SHROOM4: variants seen among roughly 807,000 people sequenced by gnomAD.
The protein encoded by SHROOM4 is shroom family member 4, also known as protein Shroom4.
In SHROOM4, 17 loss-of-function variants were observed where a neutral mutation model predicts 80.3. The ratio of observed to expected loss-of-function variants is 0.21; its 90% CI spans 0.14 to 0.32. The LOEUF is 0.32. Ranked by LOEUF, SHROOM4 falls within the 10% of genes least tolerant of loss-of-function variation. SHROOM4 has a pLI of 1.00. For missense variants in SHROOM4, 993 were observed against 1,140.3 expected, an observed-to-expected ratio of 0.87 and a Z score of 1.86; for synonymous variants, 400 against 437.5, an observed-to-expected ratio of 0.91 and a Z score of 1.07.
chrX:50,725,583 T>C (rs1934226409), intron 1 of SHROOM4, among the ~76,000 whole-genome samples: 1 of 112,335 alleles, frequency 8.9e-6, no homozygotes, highest in Non-Finnish European at 1.9e-5. Flanking sequence ...CTTGTGATAG[T>C]GAGTGAGTTC....
At chrX:50,743,889 T>C (rs1223962530) in intron 1 of SHROOM4, among the ~76,000 whole-genome samples, 3 of 112,179 alleles carry the variant, frequency 2.7e-5, no homozygotes, top group African/African-American at 6.5e-5. Flanking sequence ...TACAGACATA[T>C]TGGTTGATTT....
rs1427859402 is a variant in SHROOM4 at position 50,587,618 on chromosome X, T to A, written c.*9077A>T. Among the ~76,000 whole-genome samples, 1 of 112,243 alleles carries A rather than the reference T, an allele frequency of 8.9e-6. No homozygotes were observed. The highest frequency in any genetic ancestry group is 3.2e-5 in the African/African-American group (1 of 30,922). ...TGTGTATATTTCTGTATATAAAGTA[T>A]TATGTAATTGTATATTTATACTTAT... On this transcript the variant is annotated 3_prime_UTR_variant, in exon 9 of 9. Coordinates refer to ENST00000376020, the MANE Select transcript of SHROOM4 (RefSeq NM_020717.5).
chrX:50,678,168 A>G (rs1302773287), intron 2 of SHROOM4, among the ~76,000 whole-genome samples: 2 of 111,186 alleles, frequency 1.8e-5, no homozygotes, highest in Admixed American at 9.6e-5. Context: ...AGTTTCCACC[A>G]TTTCCTCTCA....
intron 1 of SHROOM4, among the ~76,000 whole-genome samples, chrX:50,705,786 C>A (rs1333116127): frequency 2.7e-5 from 3 of 110,642 alleles, no homozygotes; most frequent in Non-Finnish European, 5.7e-5. Flanking sequence ...TGCCCCCCTA[C>A]TCCACACCCA....
chrX:50,785,051 A>C (rs1557270933), intron 1 of SHROOM4, among the ~76,000 whole-genome samples: 1 of 112,215 alleles, frequency 8.9e-6, no homozygotes, highest in Non-Finnish European at 1.9e-5. Flanking sequence ...ATACATTAAA[A>C]CTACAAAGAA....
At chrX:50,765,698 AC>A (rs1935260315) in intron 1 of SHROOM4, among the ~76,000 whole-genome samples, 1 of 112,129 alleles carries the variant, frequency 8.9e-6, no homozygotes, top group African/African-American at 3.2e-5. Flanking sequence ...GCACACATCT[AC>A]CTCATTCACA....
downstream of SHROOM4, among the ~76,000 whole-genome samples, chrX:50,583,342 G>T (rs1928697907): frequency 9.0e-6 from 1 of 110,673 alleles, no homozygotes; most frequent in African/African-American, 3.3e-5. Context: ...TTAGTCAATA[G>T]AATGTAAGTA....
chrX:50,581,922 T>C (rs1466486561), downstream of SHROOM4, among the ~76,000 whole-genome samples: 2 of 111,403 alleles, frequency 1.8e-5, no homozygotes, highest in Non-Finnish European at 3.8e-5. Flanking sequence ...AGTGAACCTC[T>C]ACCACATATC....
intron 2 of SHROOM4, among the ~76,000 whole-genome samples, chrX:50,660,551 TCTCCCTCCCTCCCTCC>T (rs1200735728): frequency 2.9e-5 from 1 of 34,713 alleles, no homozygotes; most frequent in African/African-American, 1.1e-4. Flanking sequence ...CCTCCCTCTC[TCTCCCTCCCTCCCTCC>T]CTCCCTCCCT....
chrX:50,801,946 A>C (rs1936131665), intron 1 of SHROOM4, among the ~76,000 whole-genome samples: 1 of 112,164 alleles, frequency 8.9e-6, no homozygotes, highest in South Asian at 3.7e-4. Context: ...GTTAATTTAG[A>C]CCAGGTTGCA....
chrX:50,584,711 T>G (rs1444342973), downstream of SHROOM4, among the ~76,000 whole-genome samples: 15 of 111,608 alleles, frequency 1.3e-4, no homozygotes, highest in Non-Finnish European at 5.6e-5. Flanking sequence ...CTGGGATTAC[T>G]CTAGGACTTC....
At chrX:50,732,876 A>G (rs1557266414) in intron 1 of SHROOM4, among the ~76,000 whole-genome samples, 2 of 112,568 alleles carry the variant, frequency 1.8e-5, no homozygotes, top group African/African-American at 6.5e-5. Context: ...AAACTCTTCA[A>G]GAGAAAAAGC....
chrX:50,692,038 T>A (rs948221020), intron 2 of SHROOM4, among the ~76,000 whole-genome samples: 2 of 111,496 alleles, frequency 1.8e-5, no homozygotes, highest in South Asian at 7.7e-4. Context: ...CCATAGGACC[T>A]GCCACACCAT....
chrX:50,686,194 G>A (rs781912244), intron 2 of SHROOM4, among the ~76,000 whole-genome samples: 1 of 106,005 alleles, frequency 9.4e-6, no homozygotes, highest in South Asian at 4.0e-4. Flanking sequence ...ACCATGCCTG[G>A]CTAATTTTTT....
At chrX:50,731,361 A>G (rs1934367428) in intron 1 of SHROOM4, among the ~76,000 whole-genome samples, 1 of 111,461 alleles carries the variant, frequency 9.0e-6, no homozygotes, top group African/African-American at 3.3e-5. Flanking sequence ...AAGAACACAG[A>G]ACTCCTTCTC....
At chrX:50,756,182 A>C (rs782340138) in intron 1 of SHROOM4, among the ~76,000 whole-genome samples, 10 of 111,679 alleles carry the variant, frequency 9.0e-5, no homozygotes, top group African/African-American at 2.9e-4. Flanking sequence ...GCAACCACTA[A>C]TCACTTTCTG....
rs200737632 is a variant in SHROOM4, at chrX:50,633,652, T to C, written c.2421A>G (p.Ile807Met). 2.6e-5 allele frequency: 31 copies of C among 1,210,467 alleles called. No individual in the cohort carries two copies. In the East Asian group the frequency reaches 7.7e-4, roughly 30 times the overall value. ...AGCTCATTGGCTGGAAGTTTTGGTC[T>C]ATAGGTTTTGGTCTCTGGGTAAAAG... ...NKTFTQRPKP[I>M]DQNFQPMSSS... The change falls in exon 4 of 9, where the codon ATA (isoleucine) becomes ATG (methionine). Residue 807 changes from isoleucine to methionine, a missense_variant. Transcript: ENST00000376020.
intron 2 of SHROOM4, among the ~76,000 whole-genome samples, chrX:50,651,062 C>G (rs146358131): frequency 0.015 from 1,650 of 111,397 alleles, 25 homozygotes; most frequent in African/African-American, 0.052. Flanking sequence ...AGGTCAGTAT[C>G]AAGGCCATGC....
intron 5 of SHROOM4, among the ~76,000 whole-genome samples, chrX:50,609,351 A>G (rs1337188714): frequency 8.9e-6 from 1 of 111,796 alleles, no homozygotes; most frequent in Non-Finnish European, 1.9e-5. Flanking sequence ...TAGAAAATTA[A>G]CTTGTAATAA....
Sources: allele counts gnomAD v4.1 joint callset (sites outside exome capture counted in the v4.1 genomes callset), GRCh38; gene constraint gnomAD v4.1.1; transcripts MANE v1.5; gene names NCBI Gene and HGNC (gene_info 2026-07-23, HGNC 2026-07-21).